Variants in PHF23 observed in about 807,000 individuals in gnomAD.
The protein encoded by PHF23 is PDH-containing protein JUNE-1.
A neutral mutation model predicts 36.0 loss-of-function variants in PHF23; 3 were observed. The ratio of observed to expected loss-of-function variants is 0.08; its 90% CI spans 0.04 to 0.22. PHF23 has a LOEUF of 0.22. Ranked by LOEUF, PHF23 falls within the 10% of genes least tolerant of loss-of-function variation. The probability of loss-of-function intolerance (pLI) is 1.00; values close to 1 mark genes in which losing one functional copy is unlikely to be tolerated. For missense variants in PHF23, 475 were observed against 513.6 expected (o/e 0.92, Z 0.73); for synonymous variants, 242 against 192.5 (o/e 1.26, Z -2.13).
intron 2 of PHF23, 55 bp downstream of exon 2, chr17:7,237,574 G>A (rs2071694761): frequency 9.3e-6 from 15 of 1,607,626 alleles, no homozygotes; most frequent in Non-Finnish European, 1.2e-5. Flanking sequence ...GAAAAGGGGG[G>A]CGGGGGGCGT....
At chr17:7,240,820 A>C, upstream of PHF23, 1 of 1,494,498 alleles carries the variant, frequency 6.7e-7, no homozygotes, top group South Asian at 1.1e-5. Flanking sequence ...CTCTTTGTAG[A>C]ATGAGACCCC....
intron 3 of PHF23, among the ~76,000 whole-genome samples, chr17:7,237,031 G>A (rs536246787): frequency 2.0e-5 from 3 of 152,190 alleles, no homozygotes; most frequent in Admixed American, 6.5e-5. Context: ...CACCCAGACC[G>A]GAGCCGTTAT....
Position 7,236,876 on chromosome 17 carries a change from T to G in PHF23, c.160-109A>C. 6.8e-7 allele frequency: 1 copy of G among 1,468,500 alleles called. No homozygotes were observed. The highest frequency in any genetic ancestry group is 8.9e-7 in the Non-Finnish European group (1 of 1,119,516). 91.0% of individuals were successfully genotyped at this position (1,468,500 alleles called of 1,614,324 possible). On this transcript the variant is annotated intron_variant, in intron 3 of 4. Transcript: ENST00000320316. The surrounding 1 kb of genome is among the most constrained non-coding windows in gnomAD (Gnocchi z 5.1). The stretch of plus-strand genomic sequence containing the variant: ...TGGATTTACCCCAAAATGTCCTACC[T>G]CAACCACTAAATCCCACTGTACTCC...
intron 1 of PHF23, chr17:7,238,247 C>G (rs1427813876): frequency 7.1e-6 from 1 of 140,176 alleles, no homozygotes; most frequent in Non-Finnish European, 1.5e-5. Flanking sequence ...ACGGCCGGGA[C>G]AGACCCGGGA....
Position 7,236,313 on chromosome 17 carries a change from G to A in PHF23, c.614C>T (p.Thr205Ile). ...GFGVLRRPRP[T>I]PGDGEKRSRI... is the part of the protein sequence containing the mutation. The stretch of plus-strand genomic sequence containing the variant: ...AGATCTCTTTTCCCCATCCCCAGGA[G>A]TTGGCCGAGGCCTCCGAAGCACCCC... Residue 205 changes from threonine to isoleucine, a missense_variant, in exon 4 of 5, where the codon ACT becomes ATT. By Grantham distance (89) the Thr-to-Ile change is moderately conservative (BLOSUM62 -1). Coordinates refer to ENST00000320316, the MANE Select transcript of PHF23 (RefSeq NM_024297.3). This position sits in a 1 kb window ranked among gnomAD's most constrained non-coding sequence, Gnocchi z 5.1. 13 of 1,614,072 alleles carry A rather than the reference G, an allele frequency of 8.1e-6. No homozygotes were observed. Among genetic ancestry groups the A allele is most frequent in the Non-Finnish European group, 1.1e-5 (13 of 1,179,992 alleles).
At chr17:7,239,214 G>A (rs749472269) in intron 1 of PHF23, 32 bp downstream of exon 1, 28 of 1,461,986 alleles carry the variant, frequency 1.9e-5, no homozygotes, top group Non-Finnish European at 2.6e-5. Context: ...GCCCCCCGCC[G>A]GCTCAGCGCT....
Position 7,237,492 on chromosome 17 carries a change from A to G in PHF23, c.67-15T>C. On this transcript the variant is annotated splice_polypyrimidine_tract_variant and intron_variant, in intron 2 of 4. Coordinates refer to ENST00000320316, the MANE Select transcript of PHF23 (RefSeq NM_024297.3). Reference sequence around the variant, plus strand: ...TTCTCTGGTGGCTGAAAGGAAGGAGATATGGATCACATGCAAAGCCACACA... The same window carrying G: ...TTCTCTGGTGGCTGAAAGGAAGGAGGTATGGATCACATGCAAAGCCACACA... 6.2e-7 allele frequency: 1 copy of G among 1,612,354 alleles called. No homozygotes were observed. The highest frequency in any genetic ancestry group is 1.3e-5 in the African/African-American group (1 of 74,936).
At position 7,236,448 on chromosome 17, in the gene PHF23, G is replaced by T; in HGVS notation, c.479C>A (p.Pro160His). ...SPTSLTHTSRPPAALTPVPLS... is the reference protein window; with the variant it reads ...SPTSLTHTSRHPAALTPVPLS... ...GGGCACGGGGGTAAGAGCAGCAGGG[G>T]GCCGGGAGGTATGTGTCAGGGATGT... Residue 160 changes from proline (P) to histidine (H), a missense_variant, in exon 4 of 5, where the codon CCC becomes CAC. Physicochemically the swap from Pro to His is moderately conservative, Grantham distance 77. Coordinates refer to ENST00000320316, the MANE Select transcript of PHF23 (RefSeq NM_024297.3). The surrounding 1 kb of genome is among the most constrained non-coding windows in gnomAD (Gnocchi z 5.1). The T allele has an allele frequency of 6.2e-7, 1 of 1,613,782 alleles. No individual in the cohort carries two copies. Among genetic ancestry groups the T allele is most frequent in the Non-Finnish European group, 8.5e-7 (1 of 1,179,972 alleles).
Position 7,236,017 on chromosome 17 carries a change from C to A in PHF23, c.910G>T (p.Gly304Cys). 6.2e-7 allele frequency: 1 copy of A among 1,613,996 alleles called. No individual in the cohort carries two copies. The highest frequency in any genetic ancestry group is 8.5e-7 in the Non-Finnish European group (1 of 1,179,918). The stretch of plus-strand genomic sequence containing the variant: ...CCATCTTGGCTTGTTTCAGTGCTGC[C>A]CACCTCCTTGCTTTCACTGTCAGCA... ...PPADSESKEV[G>C]STETSQDGDA... The change falls in exon 4 of 5, where the codon GGC becomes TGC. Residue 304 changes from glycine (G) to cysteine (C), a missense_variant. Transcript: ENST00000320316. This position sits in a 1 kb window ranked among gnomAD's most constrained non-coding sequence, Gnocchi z 5.1.
At chr17:7,239,057 C>G (rs2071741233) in intron 1 of PHF23, 189 bp downstream of exon 1, 2 of 1,283,256 alleles carry the variant, frequency 1.6e-6, no homozygotes, top group Non-Finnish European at 2.1e-6. Context: ...CTCCAACTAC[C>G]CCAGCCCAGT....
At chr17:7,237,937 TC>T (rs1464925869) in intron 1 of PHF23, 1 of 418,936 alleles carries the variant, frequency 2.4e-6, no homozygotes, top group Admixed American at 5.0e-5. Context: ...CTCTCTCGAC[TC>T]CAGTCTACTC....
intron 3 of PHF23, 115 bp downstream of exon 3, chr17:7,237,270 C>G: frequency 4.2e-6 from 4 of 961,610 alleles, no homozygotes; most frequent in Non-Finnish European, 6.4e-6. Flanking sequence ...CTTCCCTGGT[C>G]TTACATATAA....
upstream of PHF23, chr17:7,240,624 T>C (rs191932918): frequency 1.4e-3 from 724 of 512,088 alleles, 3 homozygotes; most frequent in African/African-American, 0.013. Context: ...TACAGCAGGA[T>C]GGGAAAGGCG....
At chr17:7,239,955 C>G (rs1362528050), upstream of PHF23, 1 of 152,312 alleles carries the variant, frequency 6.6e-6, no homozygotes, top group African/African-American at 2.4e-5. Flanking sequence ...TTCTCCCTCC[C>G]TGATTCCACT....
Position 7,236,041 on chromosome 17 carries a change from C to T in PHF23, c.886G>A (p.Ala296Thr), listed in dbSNP as rs1269013988. 1 of 1,614,024 alleles carries T rather than the reference C, an allele frequency of 6.2e-7. No homozygotes were observed. Among genetic ancestry groups the T allele is most frequent in the South Asian group, 1.1e-5 (1 of 91,076 alleles). Residue 296 changes from alanine (A) to threonine (T), a missense_variant, in exon 4 of 5, where the codon GCT becomes ACT. Ala to Thr is a moderately conservative substitution (Grantham distance 58). Coordinates refer to ENST00000320316, the MANE Select transcript of PHF23 (RefSeq NM_024297.3). The surrounding 1 kb of genome is among the most constrained non-coding windows in gnomAD (Gnocchi z 5.1). ...ATVHPEGVPP[A>T]DSESKEVGST... Reference sequence around the variant, plus strand: ...CCCACCTCCTTGCTTTCACTGTCAGCAGGAGGGACTCCTTCAGGGTGCACT... The same window carrying T: ...CCCACCTCCTTGCTTTCACTGTCAGTAGGAGGGACTCCTTCAGGGTGCACT...
At chr17:7,238,288 C>A (rs1597566451) in intron 1 of PHF23, 1 of 30,548 alleles carries the variant, frequency 3.3e-5, no homozygotes, top group African/African-American at 1.7e-4. Flanking sequence ...CCCACCTGCC[C>A]CCCCCCCCCC....
Position 7,236,844 on chromosome 17 carries a change from G to A in PHF23, c.160-77C>T, listed in dbSNP as rs1033725321. On this transcript the variant is annotated intron_variant, in intron 3 of 4. Coordinates refer to ENST00000320316, the MANE Select transcript of PHF23 (RefSeq NM_024297.3). The surrounding 1 kb of genome is among the most constrained non-coding windows in gnomAD (Gnocchi z 5.1). Reference sequence around the variant, plus strand: ...CCCTCCACAAACCCAGCTTGAAAAGGAGTGACTGGATTTACCCCAAAATGT... The same window carrying A: ...CCCTCCACAAACCCAGCTTGAAAAGAAGTGACTGGATTTACCCCAAAATGT... 2.0e-6 allele frequency: 3 copies of A among 1,513,836 alleles called. No homozygotes were observed. The highest frequency in any genetic ancestry group is 2.2e-5 in the Admixed American group (1 of 45,804). 93.8% of individuals were successfully genotyped at this position (1,513,836 alleles called of 1,614,324 possible). A position where few individuals can be genotyped will look rare whatever the true frequency, so the allele number is the denominator to read the frequency against.
intron 1 of PHF23, 57 bp downstream of exon 1, chr17:7,239,189 A>G (rs2071743575): frequency 6.3e-6 from 8 of 1,270,698 alleles, no homozygotes; most frequent in East Asian, 2.6e-5. Flanking sequence ...AAGTTTGCCA[A>G]TTGATTCCTC....
upstream of PHF23, chr17:7,239,463 A>G (rs1306173472): frequency 1.1e-5 from 4 of 377,468 alleles, no homozygotes; most frequent in Non-Finnish European, 2.0e-5. Flanking sequence ...GCACTCCCGG[A>G]CCGGGCCCCC....
Sources: allele counts gnomAD v4.1 joint callset (sites outside exome capture counted in the v4.1 genomes callset), GRCh38; gene constraint gnomAD v4.1.1; non-coding constraint Gnocchi (gnomAD v3.1); transcripts MANE v1.5; gene names NCBI Gene and HGNC (gene_info 2026-07-23, HGNC 2026-07-21).